The following ZDHHC20 variants were observed in gnomAD, a reference collection of about 807,000 sequenced individuals.
ZDHHC20 encodes the protein zDHHC palmitoyltransferase 20, also known as palmitoyltransferase ZDHHC20.
In ZDHHC20, 43 loss-of-function variants were observed where a neutral mutation model predicts 57.8. The ratio of observed to expected loss-of-function variants is 0.74; its 90% CI spans 0.58 to 0.96. The LOEUF is 0.96. Ranked by LOEUF, ZDHHC20 falls within the 40% of genes least tolerant of loss-of-function variation. The pLI, the probability that ZDHHC20 is intolerant of heterozygous loss-of-function variation, is 0.00. For missense variants in ZDHHC20, 391 were observed against 441.1 expected, an observed-to-expected ratio of 0.89 and a Z score of 1.02; for synonymous variants, 157 against 153.0, an observed-to-expected ratio of 1.03 and a Z score of -0.19.
rs1877921106 is a variant in ZDHHC20, at chr13:21,402,983, AAACAATACC to A, written c.371-126_371-118del. 3.2e-5 allele frequency: 23 copies of A among 712,590 alleles called. No individual in the cohort carries two copies. The South Asian group carries it at 3.6e-4, about 11-fold the overall frequency. The allele number at this position is 712,590 out of a possible 1,614,324, so 44.1% of individuals were successfully genotyped here. On this transcript the variant is annotated intron_variant, in intron 4 of 12. Transcript: ENST00000400590. The stretch of plus-strand genomic sequence containing the variant: ...GGGTAATTGATAACTAATAATTTTA[AAACAATACC>A]AACAATACCAAAATGTATTATACTA...
At chr13:21,450,724 T>C (rs936867089) in intron 1 of ZDHHC20, among the ~76,000 whole-genome samples, 2 of 150,912 alleles carry the variant, frequency 1.3e-5, no homozygotes, top group African/African-American at 2.4e-5. Context: ...CATCTGAAAA[T>C]AGATGCGAAA....
rs1882025654 is a variant in ZDHHC20 at position 21,432,089 on chromosome 13, T to C, written c.119-6411A>G. Among the ~76,000 whole-genome samples, 2 of 152,160 alleles carry C rather than the reference T, an allele frequency of 1.3e-5. 1 individual carries two copies. Among genetic ancestry groups the C allele is most frequent in the South Asian group, 4.1e-4 (2 of 4,834 alleles). ...AGGTTTTATATTTAGGTCTGTAATA[T>C]ATTTCATTTTCATTTTATATCATTT... On this transcript the variant is annotated intron_variant, in intron 1 of 12. Coordinates refer to ENST00000400590, the MANE Select transcript of ZDHHC20 (RefSeq NM_001330059.2).
rs115550104 is a variant in ZDHHC20, at chr13:21,437,216, T to C, written c.119-11538A>G. Among the ~76,000 whole-genome samples the C allele has an allele frequency of 6.2e-4, 94 of 152,326 alleles. 1 individual carries two copies. The highest frequency in any genetic ancestry group is 2.2e-3 in the African/African-American group (90 of 41,562). On this transcript the variant is annotated intron_variant, in intron 1 of 12. Coordinates refer to ENST00000400590, the MANE Select transcript of ZDHHC20 (RefSeq NM_001330059.2). ...TCTTAAGCTAGCAGAAGTTGATTTA[T>C]GAGGTTTAAGGAAATAAGCCATCTC...
At chr13:21,399,677 T>C (rs1382327996) in intron 7 of ZDHHC20, among the ~76,000 whole-genome samples, 1 of 152,134 alleles carries the variant, frequency 6.6e-6, no homozygotes, top group Non-Finnish European at 1.5e-5. Context: ...GGCAACCAGT[T>C]AAGAATTTTT....
intron 3 of ZDHHC20, among the ~76,000 whole-genome samples, chr13:21,418,297 T>C (rs1593238602): frequency 6.6e-6 from 1 of 151,500 alleles, no homozygotes; most frequent in South Asian, 2.1e-4. Flanking sequence ...CTTATAGGAG[T>C]AGAGGAGAAT....
intron 9 of ZDHHC20, among the ~76,000 whole-genome samples, chr13:21,385,236 C>T (rs1289911136): frequency 6.6e-6 from 1 of 152,084 alleles, no homozygotes; most frequent in Non-Finnish European, 1.5e-5. Flanking sequence ...TGAGACCAGC[C>T]TGGCCAACAT....
intron 4 of ZDHHC20, among the ~76,000 whole-genome samples, chr13:21,410,886 C>T (rs550228642): frequency 3.3e-5 from 5 of 152,084 alleles, no homozygotes; most frequent in East Asian, 3.9e-4. Context: ...GTCTTGCTGG[C>T]GTGCCAGGTG....
At chr13:21,419,913 T>C (rs1471625434) in intron 3 of ZDHHC20, among the ~76,000 whole-genome samples, 1 of 152,254 alleles carries the variant, frequency 6.6e-6, no homozygotes, top group Non-Finnish European at 1.5e-5. Flanking sequence ...TTTTGATAAA[T>C]TTAACACAAA....
rs1395900428 is a variant in ZDHHC20, at chr13:21,381,064, T to C, written c.1060+370A>G. ...CTCTGTCACCCAGGCTGGAGTGCAG[T>C]GGCGCGATCTCAGCTCACTGCAAGC... On this transcript the variant is annotated intron_variant, in intron 11 of 12. Transcript: ENST00000400590. 2.0e-5 allele frequency among the ~76,000 whole-genome samples: 3 copies of C among 152,056 alleles called. No homozygotes were observed. The East Asian group carries it at 5.8e-4, about 30-fold the overall frequency.
At chr13:21,413,220 T>C (rs1385989793) in intron 4 of ZDHHC20, among the ~76,000 whole-genome samples, 2 of 152,056 alleles carry the variant, frequency 1.3e-5, no homozygotes, top group Admixed American at 1.3e-4. Flanking sequence ...CTCAGAATAT[T>C]AGCCTTATAC....
chr13:21,374,905 G>C lies in ZDHHC20; in HGVS notation c.*1791C>G, dbSNP rs906656446. The C allele has an allele frequency of 1.8e-5, 6 of 335,260 alleles. No homozygotes were observed. The highest frequency in any genetic ancestry group is 3.5e-5 in the Non-Finnish European group (6 of 171,884). 20.8% of individuals were successfully genotyped at this position (335,260 alleles called of 1,614,324 possible). On this transcript the variant is annotated 3_prime_UTR_variant, in exon 13 of 13. Coordinates refer to ENST00000400590, the MANE Select transcript of ZDHHC20 (RefSeq NM_001330059.2). Reference sequence around the variant, plus strand: ...TCCCAGCACTTTGGGAAGCTGAGGTGGGTGGATTATTTGAGGTCAGGAGTT... The same window carrying C: ...TCCCAGCACTTTGGGAAGCTGAGGTCGGTGGATTATTTGAGGTCAGGAGTT...
intron 8 of ZDHHC20, chr13:21,390,171 A>T (rs956174229): frequency 6.6e-6 from 1 of 152,248 alleles, no homozygotes; most frequent in Non-Finnish European, 1.5e-5. Flanking sequence ...TTCTGTAATT[A>T]AAAACTGTTT....
chr13:21,426,856 C>A (rs1212503733), intron 1 of ZDHHC20, among the ~76,000 whole-genome samples: 1 of 152,182 alleles, frequency 6.6e-6, no homozygotes, highest in Non-Finnish European at 1.5e-5. Flanking sequence ...AATCCGCCCA[C>A]CTCAGCCTCC....
chr13:21,456,165 G>A (rs1884907857), intron 1 of ZDHHC20, among the ~76,000 whole-genome samples: 1 of 152,138 alleles, frequency 6.6e-6, no homozygotes, highest in Non-Finnish European at 1.5e-5. Context: ...CAGCACTTTG[G>A]GAGGCCAAGG....
intron 4 of ZDHHC20, among the ~76,000 whole-genome samples, chr13:21,412,098 C>G (rs1320887368): frequency 6.6e-6 from 1 of 152,200 alleles, no homozygotes; most frequent in Non-Finnish European, 1.5e-5. Context: ...TCTGCAGCTC[C>G]CACCTCTGAA....
chr13:21,414,228 C>CT (rs34795716), intron 3 of ZDHHC20, among the ~76,000 whole-genome samples: 44,097 of 140,628 alleles, frequency 0.31, 7,525 homozygotes, highest in East Asian at 0.73. Flanking sequence ...GCCAAGGAGT[C>CT]TTTTTTTTTT....
In ZDHHC20 at chr13:21,374,856, G is replaced by C; in HGVS notation, c.*1840C>G. 3.3e-6 allele frequency: 1 copy of C among 302,944 alleles called. No individual in the cohort carries two copies. Among genetic ancestry groups the C allele is most frequent in the Non-Finnish European group, 6.4e-6 (1 of 156,112 alleles). The allele number at this position is 302,944 out of a possible 1,614,324, so 18.8% of individuals were successfully genotyped here. ...GTACTCCAAAAAATTTACCGGGGCG[G>C]GGCGTGGTGGCTCACGCCTGTAATC... On this transcript the variant is annotated 3_prime_UTR_variant, in exon 13 of 13. Coordinates refer to ENST00000400590, the MANE Select transcript of ZDHHC20 (RefSeq NM_001330059.2).
chr13:21,411,132 G>C (rs1267752721), intron 4 of ZDHHC20, among the ~76,000 whole-genome samples: 1 of 152,190 alleles, frequency 6.6e-6, no homozygotes, highest in African/African-American at 2.4e-5. Context: ...CCGACCCCTT[G>C]TGCTTCCCGG....
In ZDHHC20 at chr13:21,374,293, C is replaced by T. The variant is rs145380840; in HGVS notation, c.*2403G>A. On this transcript the variant is annotated 3_prime_UTR_variant, in exon 13 of 13. Coordinates refer to ENST00000400590, the MANE Select transcript of ZDHHC20 (RefSeq NM_001330059.2). ...AGGCTGGAGTGCAGTGGCACGATCT[C>T]GGCTCACTGCGACCTCCACCTCCTG... 1.3e-4 allele frequency: 49 copies of T among 387,762 alleles called. No individual in the cohort carries two copies. The East Asian group carries it at 2.6e-3, about 20-fold the overall frequency. 24.0% of individuals were successfully genotyped at this position (387,762 alleles called of 1,614,324 possible). A position where few individuals can be genotyped will look rare whatever the true frequency, so the allele number is the denominator to read the frequency against.
Sources: allele counts gnomAD v4.1 joint callset (sites outside exome capture counted in the v4.1 genomes callset), GRCh38; gene constraint gnomAD v4.1.1; transcripts MANE v1.5; gene names NCBI Gene and HGNC (gene_info 2026-07-23, HGNC 2026-07-21).